CACNA1E: variants seen among roughly 807,000 people sequenced by gnomAD.
CACNA1E encodes calcium voltage-gated channel subunit alpha1 E, also known as voltage-dependent R-type calcium channel subunit alpha-1E.
A neutral mutation model predicts 259.2 loss-of-function variants in CACNA1E; 40 were observed. The ratio of observed to expected loss-of-function variants is 0.15; its 90% CI spans 0.12 to 0.20. CACNA1E has a LOEUF of 0.20. CACNA1E is among the 10% of genes least tolerant of loss of function. CACNA1E has a pLI of 1.00. For synonymous variants in CACNA1E, 1,104 were observed against 1,138.5 expected, an observed-to-expected ratio of 0.97 and a Z score of 0.61; for missense variants, 1,874 against 3,040.1, an observed-to-expected ratio of 0.62 and a Z score of 9.02.
intron 6 of CACNA1E, among the ~76,000 whole-genome samples, chr1:181,585,289 G>C (rs1651949562): frequency 6.6e-6 from 1 of 152,174 alleles, no homozygotes; most frequent in African/African-American, 2.4e-5. Flanking sequence ...GGAGAGGAGA[G>C]AGTAGAGGGA....
chr1:181,459,726 C>T (rs1048451287), intron 2 of CACNA1E, among the ~76,000 whole-genome samples: 4 of 152,158 alleles, frequency 2.6e-5, no homozygotes, highest in Non-Finnish European at 4.4e-5. Flanking sequence ...ATGTAAAACC[C>T]GACAGCACTT....
intron 3 of CACNA1E, among the ~76,000 whole-genome samples, chr1:181,555,773 T>C (rs1314125082): frequency 6.6e-6 from 1 of 152,222 alleles, no homozygotes; most frequent in Non-Finnish European, 1.5e-5. Flanking sequence ...TATAATGTAC[T>C]ATGTTGTAAT....
intron 22 of CACNA1E, 91 bp downstream of exon 22, chr1:181,736,525 G>A: frequency 8.3e-7 from 1 of 1,201,418 alleles, no homozygotes; most frequent in Non-Finnish European, 1.2e-6. Flanking sequence ...GAAGGATGGG[G>A]GCCCAGCCAT....
rs199932 is a variant in CACNA1E at position 181,776,444 on chromosome 1, G to A, written c.5267+216G>A. On this transcript the variant is annotated intron_variant, in intron 38 of 47. Coordinates refer to ENST00000367573, the MANE Select transcript of CACNA1E (RefSeq NM_001205293.3). This position sits in a 1 kb window ranked among gnomAD's most constrained non-coding sequence, Gnocchi z 4.4. ...CCCCTCTCTTTCCTTCTGTGACAGG[G>A]TTTTCCCTTTGTGGGCTGGTCTCAT... 127,258 of 522,312 alleles carry A rather than the reference G, an allele frequency of 0.24. 16,561 individuals carry two copies. Among genetic ancestry groups the A allele is most frequent in the South Asian group, 0.37 (15,313 of 41,546 alleles). The allele number at this position is 522,312 out of a possible 1,614,324, so 32.4% of individuals were successfully genotyped here.
rs184553783 is a variant in CACNA1E at position 181,393,737 on chromosome 1, C to T, written c.-14-19396C>T. 7.9e-5 allele frequency among the ~76,000 whole-genome samples: 12 copies of T among 152,330 alleles called. No homozygotes were observed. In the East Asian group the frequency reaches 9.6e-4, roughly 12 times the overall value. ...CCTCCCAAAGTGCTGGGATTACCGG[C>T]GTGTGCCCCCGTGCCTGGCCAAGAA... On this transcript the variant is annotated intron_variant, in intron 1 of 11. Coordinates refer to the CACNA1E transcript ENST00000524607.
intron 3 of CACNA1E, among the ~76,000 whole-genome samples, chr1:181,547,595 C>T (rs952590083): frequency 2.6e-5 from 4 of 152,212 alleles, no homozygotes; most frequent in African/African-American, 9.7e-5. Context: ...ACTCCTAGTC[C>T]AGCGCTCCTT....
At chr1:181,701,048 A>T (rs1230837913) in intron 7 of CACNA1E, among the ~76,000 whole-genome samples, 14 of 152,230 alleles carry the variant, frequency 9.2e-5, no homozygotes, top group Admixed American at 9.2e-4. Context: ...CCTTTTGGTG[A>T]TGAACCATGA....
chr1:181,605,258 A>G (rs1482865801), intron 6 of CACNA1E, among the ~76,000 whole-genome samples: 2 of 150,286 alleles, frequency 1.3e-5, no homozygotes, highest in Non-Finnish European at 3.0e-5. Context: ...AGCCTGCCTA[A>G]AGAAGCAGTG....
At position 181,363,869 on chromosome 1, in the gene CACNA1E, C is replaced by A. The variant is rs571799826; in HGVS notation, c.-15+45746C>A. On this transcript the variant is annotated intron_variant, in intron 1 of 11. Transcript: ENST00000524607. ...GGAAGGGCAGCAACAGACTTCACTACGGATAGGAGAGGTGGGGCCAGAGTA... is the reference window on the plus strand; with the variant it reads ...GGAAGGGCAGCAACAGACTTCACTAAGGATAGGAGAGGTGGGGCCAGAGTA... 1.1e-4 allele frequency among the ~76,000 whole-genome samples: 17 copies of A among 152,274 alleles called. No homozygotes were observed. In the South Asian group the frequency reaches 3.5e-3, roughly 32 times the overall value.
chr1:181,352,302 G>A (rs889953091), intron 1 of CACNA1E, among the ~76,000 whole-genome samples: 4 of 152,128 alleles, frequency 2.6e-5, no homozygotes, highest in African/African-American at 9.7e-5. Context: ...GGAAATGACG[G>A]CATCCAAGTG....
intron 7 of CACNA1E, among the ~76,000 whole-genome samples, chr1:181,694,018 C>T (rs1433884919): frequency 6.6e-6 from 1 of 152,172 alleles, no homozygotes; most frequent in Non-Finnish European, 1.5e-5. Context: ...CTTCTCAACT[C>T]ATTTGATGTG....
chr1:181,426,363 C>G (rs181539424), intron 2 of CACNA1E, among the ~76,000 whole-genome samples: 173 of 151,546 alleles, frequency 1.1e-3, no homozygotes, highest in Non-Finnish European at 1.9e-3. Flanking sequence ...CTCAACCCAG[C>G]TCATCTCAAC....
intron 6 of CACNA1E, among the ~76,000 whole-genome samples, chr1:181,597,186 A>G (rs1232520508): frequency 6.6e-6 from 1 of 151,982 alleles, no homozygotes; most frequent in East Asian, 1.9e-4. Flanking sequence ...CTTTTATGAG[A>G]CCCACCCTGG....
At chr1:181,638,510 T>A (rs1417802837) in intron 6 of CACNA1E, among the ~76,000 whole-genome samples, 2 of 152,154 alleles carry the variant, frequency 1.3e-5, no homozygotes, top group African/African-American at 4.8e-5. Context: ...GGATTCCGAA[T>A]CTTCACCCAG....
chr1:181,549,270 A>G (rs1288115592), intron 3 of CACNA1E, among the ~76,000 whole-genome samples: 4 of 152,174 alleles, frequency 2.6e-5, no homozygotes, highest in Non-Finnish European at 4.4e-5. Flanking sequence ...ATGTCACACA[A>G]CCAGGTTGTC....
chr1:181,736,489 G>A, intron 22 of CACNA1E, 55 bp downstream of exon 22: 1 of 1,519,590 alleles, frequency 6.6e-7, no homozygotes, highest in Non-Finnish European at 9.0e-7. Context: ...GGCCAGGTGT[G>A]AGGCAGGGCA....
intron 6 of CACNA1E, among the ~76,000 whole-genome samples, chr1:181,592,319 CAG>C (rs1652733710): frequency 6.6e-6 from 1 of 152,082 alleles, no homozygotes; most frequent in South Asian, 2.1e-4. Flanking sequence ...ATTGATTTCA[CAG>C]AGTGGCTGTC....
intron 1 of CACNA1E, among the ~76,000 whole-genome samples, chr1:181,338,642 T>C (rs1388946751): frequency 6.6e-6 from 1 of 152,162 alleles, no homozygotes; most frequent in Non-Finnish European, 1.5e-5. Flanking sequence ...TCCTTTGCTG[T>C]TCAGAAGCTT....
At chr1:181,343,873 C>A (rs569467682) in intron 1 of CACNA1E, among the ~76,000 whole-genome samples, 4 of 152,170 alleles carry the variant, frequency 2.6e-5, no homozygotes, top group Non-Finnish European at 5.9e-5. Flanking sequence ...TGGCCCCAAG[C>A]CTGTGCCTGG....
Sources: gnomAD v4.1 joint callset for allele counts (sites outside exome capture counted in the v4.1 genomes callset) on GRCh38, gnomAD v4.1.1 for gene constraint, Gnocchi (gnomAD v3.1) non-coding constraint, MANE v1.5 for transcripts, NCBI Gene and HGNC (gene_info 2026-07-23, HGNC 2026-07-21) for gene names.